The following STAU2 variants were observed in gnomAD, a reference collection of about 807,000 sequenced individuals.
STAU2 encodes the protein staufen double-stranded RNA binding protein 2, also known as double-stranded RNA-binding protein Staufen homolog 2.
In STAU2, 20 loss-of-function variants were observed where a neutral mutation model predicts 65.9. That is an observed-to-expected ratio of 0.30 (90% CI 0.21 to 0.44). The LOEUF is 0.44. Ranked by LOEUF, STAU2 falls within the 20% of genes least tolerant of loss-of-function variation. STAU2 has a pLI of 1.00. For missense variants in STAU2, 558 were observed against 683.9 expected (o/e 0.82, Z 2.05); for synonymous variants, 232 against 233.9 (o/e 0.99, Z 0.07).
intron 6 of STAU2, chr8:73,653,397 A>G (rs1272033234): frequency 6.6e-6 from 1 of 152,228 alleles, no homozygotes; most frequent in Non-Finnish European, 1.5e-5. Context: ...TGAACTAAGT[A>G]AAGTTTTAGG....
chr8:73,430,355 G>A (rs1387345380), intron 13 of STAU2, among the ~76,000 whole-genome samples: 1 of 152,142 alleles, frequency 6.6e-6, no homozygotes, highest in Non-Finnish European at 1.5e-5. Context: ...AGGGCCTGCC[G>A]ACCAGGTACC....
rs768314715 is a variant in STAU2 at position 73,613,879 on chromosome 8, T to G, written c.756A>C (p.Gly252=). ...TGGAGAGTTTTTTGCTATTTCCTTC[T>G]CCTTCTGCAGAGAACTCTCCTACTG... ...RVSVGEFSAE[G]EGNSKKLSKK... is the part of the protein sequence containing the mutation. Residue 252 remains glycine, a synonymous_variant, in exon 9 of 15, where the codon GGA becomes GGC. Transcript: ENST00000524300. The G allele has an allele frequency of 6.2e-7, 1 of 1,613,830 alleles. No individual in the cohort carries two copies.
intron 3 of STAU2, among the ~76,000 whole-genome samples, chr8:73,725,282 A>G (rs908958947): frequency 7.2e-5 from 11 of 152,202 alleles, no homozygotes; most frequent in African/African-American, 1.7e-4. Flanking sequence ...TTTATATCCT[A>G]CATAGGCTTA....
chr8:73,473,212 C>T (rs1820130375), intron 13 of STAU2, among the ~76,000 whole-genome samples: 1 of 152,182 alleles, frequency 6.6e-6, no homozygotes, highest in South Asian at 2.1e-4. Flanking sequence ...TTCAGATGGG[C>T]AGTGGTGACT....
At chr8:73,617,477 A>G in intron 6 of STAU2, 26 bp from the exon 7 acceptor site, 1 of 1,603,006 alleles carries the variant, frequency 6.2e-7, no homozygotes, top group Non-Finnish European at 8.5e-7. Context: ...AAAAACATTA[A>G]AGTTAGCTTA....
chr8:73,625,592 T>C lies in STAU2; in HGVS notation c.411-8141A>G, dbSNP rs137857750. The stretch of plus-strand genomic sequence containing the variant: ...ACTGTTAACAGGTATGGGGTTTCTT[T>C]TAGGAGTGATAGATATGTTTTGAAA... On this transcript the variant is annotated intron_variant, in intron 6 of 14. Transcript: ENST00000524300. 6.8e-4 allele frequency among the ~76,000 whole-genome samples: 103 copies of C among 152,302 alleles called. 1 individual carries two copies. The highest frequency in any genetic ancestry group is 2.2e-3 in the African/African-American group (90 of 41,580).
At chr8:73,585,007 G>C (rs1810258310) in intron 11 of STAU2, among the ~76,000 whole-genome samples, 1 of 152,164 alleles carries the variant, frequency 6.6e-6, no homozygotes, top group South Asian at 2.1e-4. Context: ...TCAAAGTGCT[G>C]ACAACTGTTT....
intron 13 of STAU2, among the ~76,000 whole-genome samples, chr8:73,444,145 G>A (rs896304889): frequency 3.3e-5 from 5 of 152,156 alleles, no homozygotes; most frequent in East Asian, 1.9e-4. Context: ...TGCGGCTCAC[G>A]TCTGTAATTC....
chr8:73,670,017 G>A (rs1259260069), intron 6 of STAU2, among the ~76,000 whole-genome samples: 1 of 152,116 alleles, frequency 6.6e-6, no homozygotes, highest in Non-Finnish European at 1.5e-5. Context: ...AATAAAATTA[G>A]TATATAATAG....
At chr8:73,466,865 C>T (rs1213987944) in intron 13 of STAU2, among the ~76,000 whole-genome samples, 2 of 152,158 alleles carry the variant, frequency 1.3e-5, no homozygotes, top group East Asian at 1.9e-4. Context: ...GTTGTGGCAC[C>T]GCCTCAGCTC....
chr8:73,614,625 T>G, intron 8 of STAU2, among the ~76,000 whole-genome samples: 1 of 152,168 alleles, frequency 6.6e-6, no homozygotes, highest in East Asian at 1.9e-4. Flanking sequence ...ATACTAAATA[T>G]TTAACCTTTA....
intron 13 of STAU2, among the ~76,000 whole-genome samples, chr8:73,512,836 G>A (rs767020692): frequency 1.3e-5 from 2 of 151,934 alleles, no homozygotes; most frequent in Non-Finnish European, 2.9e-5. Context: ...TTTTCATTTC[G>A]GTTATTGTAC....
chr8:73,489,822 AG>A (rs1821076398), intron 13 of STAU2, among the ~76,000 whole-genome samples: 1 of 152,046 alleles, frequency 6.6e-6, no homozygotes, highest in African/African-American at 2.4e-5. Flanking sequence ...TTCTGCAGAA[AG>A]TTTCTTAGGA....
At chr8:73,510,640 C>T (rs1265229397) in intron 13 of STAU2, among the ~76,000 whole-genome samples, 7 of 152,100 alleles carry the variant, frequency 4.6e-5, no homozygotes, top group African/African-American at 9.7e-5. Context: ...TCAATCACGG[C>T]GGAAGGGGAA....
intron 3 of STAU2, chr8:73,728,084 A>G (rs1296382493): frequency 1.3e-5 from 2 of 151,962 alleles, no homozygotes; most frequent in African/African-American, 4.8e-5. Flanking sequence ...TCGTTCTTGT[A>G]TTTTGGCCAT....
At chr8:73,649,328 C>T (rs1036078928) in intron 6 of STAU2, among the ~76,000 whole-genome samples, 2 of 152,132 alleles carry the variant, frequency 1.3e-5, no homozygotes, top group Non-Finnish European at 2.9e-5. Context: ...TTCTTGCTTA[C>T]CATTTAAGTA....
intron 12 of STAU2, among the ~76,000 whole-genome samples, chr8:73,557,532 C>A (rs1807880382): frequency 1.3e-5 from 2 of 152,200 alleles, no homozygotes; most frequent in Non-Finnish European, 2.9e-5. Context: ...TCCCAAAAAA[C>A]TACCCCAGTT....
chr8:73,535,985 AT>A (rs1806156190), intron 13 of STAU2, among the ~76,000 whole-genome samples: 1 of 152,172 alleles, frequency 6.6e-6, no homozygotes, highest in Admixed American at 6.5e-5. Flanking sequence ...TTTAAAAAAA[AT>A]ATTTTAACAT....
intron 12 of STAU2, among the ~76,000 whole-genome samples, chr8:73,570,567 AG>A (rs1293592915): frequency 1.2e-4 from 18 of 152,244 alleles, no homozygotes; most frequent in Non-Finnish European, 5.9e-5. Flanking sequence ...CTAGCAAGGC[AG>A]GCCAACATTC....
Sources: allele counts gnomAD v4.1 joint callset (sites outside exome capture counted in the v4.1 genomes callset), GRCh38; gene constraint gnomAD v4.1.1; transcripts MANE v1.5; gene names NCBI Gene and HGNC (gene_info 2026-07-23, HGNC 2026-07-21).